NEDD4L: variants seen among roughly 807,000 people sequenced by gnomAD.
NEDD4L encodes E3 ubiquitin-protein ligase NEDD4-like.
A neutral mutation model predicts 148.9 loss-of-function variants in NEDD4L; 54 were observed. That is an observed-to-expected ratio of 0.36 (90% CI 0.29 to 0.45). NEDD4L has a LOEUF of 0.45. Ranked by LOEUF, NEDD4L falls within the 20% of genes least tolerant of loss-of-function variation. NEDD4L has a pLI of 1.00. For synonymous variants in NEDD4L, 433 were observed against 440.7 expected (o/e 0.98, Z 0.22); for missense variants, 856 against 1,233.8 (o/e 0.69, Z 4.59).
chr18:58,314,451 T>C (rs972650203), intron 5 of NEDD4L: 1 of 150,816 alleles, frequency 6.6e-6, no homozygotes, highest in Non-Finnish European at 1.5e-5. Context: ...ATCAGCCAAA[T>C]AGAGAACTAA....
At chr18:58,070,821 A>G (rs2144886138) in intron 1 of NEDD4L, among the ~76,000 whole-genome samples, 1 of 150,006 alleles carries the variant, frequency 6.7e-6, no homozygotes, top group African/African-American at 2.4e-5. Flanking sequence ...AAGAGTCTTC[A>G]GTGGCCATAC....
At chr18:58,342,827 T>C in intron 15 of NEDD4L, 79 bp from the exon 16 acceptor site, 1 of 1,152,914 alleles carries the variant, frequency 8.7e-7, no homozygotes. Context: ...AAGAGAAGCC[T>C]TCTGCAATAC....
chr18:58,256,085 G>T lies in NEDD4L; in HGVS notation c.297+4031G>T. The T allele has an allele frequency of 8.1e-7, 1 of 1,228,088 alleles. No individual in the cohort carries two copies. Among genetic ancestry groups the T allele is most frequent in the Non-Finnish European group, 1.0e-6 (1 of 985,654 alleles). 76.1% of individuals were successfully genotyped at this position (1,228,088 alleles called of 1,614,324 possible). ...TGGCTCCCGGGAGCCCTCGCCGAGG[G>T]ACACCCCCGGGAGCTCCCCTCCGAG... On this transcript the variant is annotated intron_variant, in intron 5 of 30. Coordinates refer to ENST00000400345, the MANE Select transcript of NEDD4L (RefSeq NM_001144967.3). The surrounding 1 kb of genome is among the most constrained non-coding windows in gnomAD (Gnocchi z 5.2).
chr18:58,106,806 C>A (rs530240541), intron 1 of NEDD4L, among the ~76,000 whole-genome samples: 12 of 152,150 alleles, frequency 7.9e-5, no homozygotes, highest in African/African-American at 2.9e-4. Flanking sequence ...CTCAACCACT[C>A]GCCCAAAGTC....
chr18:58,215,665 AT>A (rs2043086908), intron 2 of NEDD4L, among the ~76,000 whole-genome samples: 1 of 152,192 alleles, frequency 6.6e-6, no homozygotes, highest in Non-Finnish European at 1.5e-5. Flanking sequence ...ACAAGAAGGA[AT>A]TTCCCCACTC....
intron 2 of NEDD4L, among the ~76,000 whole-genome samples, chr18:58,216,612 G>GC (rs1403501603): frequency 1.3e-5 from 2 of 152,202 alleles, no homozygotes; most frequent in Admixed American, 1.3e-4. Flanking sequence ...AAAGGGAAGA[G>GC]CAGAACTGAG....
intron 2 of NEDD4L, among the ~76,000 whole-genome samples, chr18:58,175,997 A>G (rs528794251): frequency 6.6e-6 from 1 of 152,248 alleles, no homozygotes; most frequent in Non-Finnish European, 1.5e-5. Context: ...CTTGCTGTGC[A>G]ATATAGCCAT....
chr18:58,166,857 A>C (rs2036906849), intron 2 of NEDD4L, among the ~76,000 whole-genome samples: 1 of 152,120 alleles, frequency 6.6e-6, no homozygotes, highest in African/African-American at 2.4e-5. Context: ...CCTGCCTGAC[A>C]CTGGAGTCCC....
intron 26 of NEDD4L, among the ~76,000 whole-genome samples, 200 bp downstream of exon 26, chr18:58,385,786 C>G (rs149642402): frequency 6.6e-6 from 1 of 152,008 alleles, no homozygotes; most frequent in Non-Finnish European, 1.5e-5. Context: ...CGTGCCGCCA[C>G]CTCCTTTTCC....
At chr18:58,332,909 A>G (rs192485707) in intron 11 of NEDD4L, among the ~76,000 whole-genome samples, 1 of 152,324 alleles carries the variant, frequency 6.6e-6, no homozygotes, top group African/African-American at 2.4e-5. Flanking sequence ...AAGACACTAC[A>G]CAGTAGATCT....
intron 1 of NEDD4L, among the ~76,000 whole-genome samples, chr18:58,067,895 A>G (rs2082680419): frequency 6.6e-6 from 1 of 152,176 alleles, no homozygotes; most frequent in East Asian, 1.9e-4. Context: ...TGGGAATTGG[A>G]CTTTGAAGGG....
intron 1 of NEDD4L, among the ~76,000 whole-genome samples, chr18:58,096,052 A>G (rs1472828055): frequency 6.6e-6 from 1 of 152,090 alleles, no homozygotes; most frequent in East Asian, 1.9e-4. Flanking sequence ...TTAGAGTTTT[A>G]GGACTTAGGT....
chr18:58,112,964 A>G (rs2085511327), intron 1 of NEDD4L, among the ~76,000 whole-genome samples: 1 of 152,224 alleles, frequency 6.6e-6, no homozygotes, highest in South Asian at 2.1e-4. Flanking sequence ...AGAAGAGGCC[A>G]AGTGAGCTTG....
chr18:58,348,210 A>G (rs1203345275), intron 16 of NEDD4L, among the ~76,000 whole-genome samples: 3 of 150,630 alleles, frequency 2.0e-5, no homozygotes, highest in Non-Finnish European at 4.4e-5. Flanking sequence ...GTTGCCCAGG[A>G]TGGTCTCGAA....
intron 19 of NEDD4L, among the ~76,000 whole-genome samples, chr18:58,361,344 C>T (rs551972077): frequency 1.3e-4 from 20 of 152,316 alleles, no homozygotes; most frequent in African/African-American, 4.3e-4. Context: ...TTAGCATGCT[C>T]TGTGTATAGC....
chr18:58,279,575 A>G (rs1020782657), intron 5 of NEDD4L, among the ~76,000 whole-genome samples: 1 of 152,232 alleles, frequency 6.6e-6, no homozygotes, highest in Non-Finnish European at 1.5e-5. Context: ...GTGTTGAAGC[A>G]GGTATGTGGA....
At chr18:58,234,174 TTC>T (rs1260139289) in intron 2 of NEDD4L, among the ~76,000 whole-genome samples, 1 of 149,858 alleles carries the variant, frequency 6.7e-6, no homozygotes, top group South Asian at 2.1e-4. Flanking sequence ...TTCTCTCTCT[TTC>T]TTTCTTTCCT....
intron 5 of NEDD4L, among the ~76,000 whole-genome samples, chr18:58,262,065 T>C (rs890340591): frequency 1.3e-5 from 2 of 152,162 alleles, no homozygotes; most frequent in African/African-American, 4.8e-5. Flanking sequence ...CTAGTTCTCT[T>C]AGTTCATACC....
chr18:58,137,685 A>C (rs975907991), intron 1 of NEDD4L, among the ~76,000 whole-genome samples: 1 of 152,008 alleles, frequency 6.6e-6, no homozygotes, highest in African/African-American at 2.4e-5. Context: ...CTTGATTTCC[A>C]TTTTAGAAGT....
Sources: gnomAD v4.1 joint callset for allele counts (sites outside exome capture counted in the v4.1 genomes callset) on GRCh38, gnomAD v4.1.1 for gene constraint, Gnocchi (gnomAD v3.1) non-coding constraint, MANE v1.5 for transcripts, NCBI Gene and HGNC (gene_info 2026-07-23, HGNC 2026-07-21) for gene names.